Variants in NUAK1 observed in about 807,000 individuals in gnomAD.
The protein encoded by NUAK1 is NUAK family SNF1-like kinase 1.
Under a neutral mutation model 56.9 loss-of-function variants are expected in NUAK1, and 26 were observed. That is an observed-to-expected ratio of 0.46 (90% confidence interval 0.33 to 0.63). NUAK1 has a LOEUF of 0.63. Among genes scored for constraint, NUAK1 ranks in the 30% least tolerant of loss-of-function variants. NUAK1 has a pLI of 0.02. For synonymous variants in NUAK1, 337 were observed against 336.0 expected, an observed-to-expected ratio of 1.00 and a Z score of -0.03; for missense variants, 727 against 876.1, an observed-to-expected ratio of 0.83 and a Z score of 2.15.
chr12:106,118,126 C>G (rs1047811067), intron 1 of NUAK1, among the ~76,000 whole-genome samples: 3 of 152,166 alleles, frequency 2.0e-5, no homozygotes, highest in Non-Finnish European at 4.4e-5. Flanking sequence ...TGGCTAAGAC[C>G]ACAAATCCAT....
intron 6 of NUAK1, among the ~76,000 whole-genome samples, chr12:106,069,102 C>T (rs2032377275): frequency 2.0e-5 from 3 of 152,162 alleles, no homozygotes; most frequent in Admixed American, 6.5e-5. Flanking sequence ...TCTATATATA[C>T]ACATACAACC....
chr12:106,096,475 C>G (rs567481011), intron 2 of NUAK1, among the ~76,000 whole-genome samples: 23 of 152,276 alleles, frequency 1.5e-4, no homozygotes, highest in Admixed American at 1.4e-3. Context: ...TGCTGTGTTA[C>G]GAATAAGGGC....
chr12:106,104,473 G>A (rs1199413192), intron 2 of NUAK1, among the ~76,000 whole-genome samples: 1 of 152,182 alleles, frequency 6.6e-6, no homozygotes, highest in East Asian at 1.9e-4. Context: ...TTAACACGAA[G>A]TAGACACTCC....
At chr12:106,127,451 C>A (rs2033034716) in intron 1 of NUAK1, among the ~76,000 whole-genome samples, 1 of 152,186 alleles carries the variant, frequency 6.6e-6, no homozygotes, top group Non-Finnish European at 1.5e-5. Context: ...CAGAAGCAAC[C>A]ACACCCAGCA....
chr12:106,123,108 T>C (rs2032994193), intron 1 of NUAK1, among the ~76,000 whole-genome samples: 1 of 152,264 alleles, frequency 6.6e-6, no homozygotes, highest in Admixed American at 6.5e-5. Context: ...ATTTCATTCA[T>C]TCTGAAAATC....
chr12:106,066,604 C>T lies in NUAK1; in HGVS notation c.*198G>A. 1.6e-6 allele frequency: 1 copy of T among 611,278 alleles called. No individual in the cohort carries two copies. Among genetic ancestry groups the T allele is most frequent in the Non-Finnish European group, 2.9e-6 (1 of 345,418 alleles). The allele number at this position is 611,278 out of a possible 1,614,324, so 37.9% of individuals were successfully genotyped here. On this transcript the variant is annotated 3_prime_UTR_variant, in exon 7 of 7. Coordinates refer to ENST00000261402, the MANE Select transcript of NUAK1 (RefSeq NM_014840.3). ...CAAACAGGGCCCAAATTCTGACTGACAATTGACAGAACTGGCAGAAGAGCC... is the reference window on the plus strand; with the variant it reads ...CAAACAGGGCCCAAATTCTGACTGATAATTGACAGAACTGGCAGAAGAGCC...
intron 1 of NUAK1, among the ~76,000 whole-genome samples, chr12:106,111,508 C>T (rs1371306560): frequency 6.6e-6 from 1 of 152,078 alleles, no homozygotes; most frequent in Non-Finnish European, 1.5e-5. Context: ...GCAACCATCT[C>T]CCTGCATGCT....
intron 4 of NUAK1, among the ~76,000 whole-genome samples, chr12:106,076,909 C>T (rs542496611): frequency 6.6e-6 from 1 of 152,250 alleles, no homozygotes; most frequent in South Asian, 2.1e-4. Context: ...AAGGTGAAAA[C>T]ATTCTAGAGA....
At position 106,096,458 on chromosome 12, in the gene NUAK1, T is replaced by C. The variant is rs1396296181; in HGVS notation, c.362-9573A>G. On this transcript the variant is annotated intron_variant, in intron 2 of 6. Transcript: ENST00000261402. ...TCACATGATTACACGTGAAGAGAACTCTCTGGTGCTGTGTTACGAATAAGG... is the reference window on the plus strand; with the variant it reads ...TCACATGATTACACGTGAAGAGAACCCTCTGGTGCTGTGTTACGAATAAGG... 2.0e-5 allele frequency among the ~76,000 whole-genome samples: 3 copies of C among 152,162 alleles called. No individual in the cohort carries two copies. In the East Asian group the frequency reaches 5.8e-4, roughly 29 times the overall value.
chr12:106,113,320 C>T (rs982084421), intron 1 of NUAK1, among the ~76,000 whole-genome samples: 1 of 152,128 alleles, frequency 6.6e-6, no homozygotes, highest in Admixed American at 6.5e-5. Flanking sequence ...CCGGAAAGTT[C>T]GTGCTGAGTG....
intron 1 of NUAK1, among the ~76,000 whole-genome samples, chr12:106,136,057 TC>T (rs1193836928): frequency 6.6e-6 from 1 of 152,188 alleles, no homozygotes; most frequent in Non-Finnish European, 1.5e-5. Context: ...AGGAGGACTT[TC>T]CTTCCCCAAA....
At chr12:106,090,131 C>T (rs2032620490) in intron 2 of NUAK1, among the ~76,000 whole-genome samples, 1 of 152,132 alleles carries the variant, frequency 6.6e-6, no homozygotes, top group African/African-American at 2.4e-5. Context: ...TTGGGAAACA[C>T]TGGATGAATG....
intron 1 of NUAK1, among the ~76,000 whole-genome samples, chr12:106,120,100 G>C (rs557632085): frequency 1.1e-4 from 17 of 152,214 alleles, no homozygotes; most frequent in Middle Eastern, 3.4e-3. Flanking sequence ...CTGAACACTA[G>C]GGGCTGTTGG....
chr12:106,136,204 G>T (rs1279781130), intron 1 of NUAK1, among the ~76,000 whole-genome samples: 1 of 152,090 alleles, frequency 6.6e-6, no homozygotes, highest in Non-Finnish European at 1.5e-5. Context: ...TCTGGGCGTG[G>T]GTCTGCTGCC....
At chr12:106,098,553 TC>T (rs1218182703) in intron 2 of NUAK1, among the ~76,000 whole-genome samples, 1 of 152,150 alleles carries the variant, frequency 6.6e-6, no homozygotes, top group Non-Finnish European at 1.5e-5. Flanking sequence ...GTTGGCCAGT[TC>T]CAGCACATCA....
intron 4 of NUAK1, among the ~76,000 whole-genome samples, chr12:106,080,721 T>C (rs1467022121): frequency 1.3e-5 from 2 of 152,198 alleles, no homozygotes; most frequent in African/African-American, 2.4e-5. Flanking sequence ...AGCATTTATA[T>C]AGGCTTCCTA....
intron 5 of NUAK1, 34 bp from the exon 6 acceptor site, chr12:106,070,940 G>A: frequency 6.2e-7 from 1 of 1,612,576 alleles, no homozygotes; most frequent in Non-Finnish European, 8.5e-7. Context: ...TAGGAGAGCT[G>A]GGAAACAGAT....
chr12:106,132,658 C>T (rs1303107544), intron 1 of NUAK1, among the ~76,000 whole-genome samples: 2 of 152,216 alleles, frequency 1.3e-5, no homozygotes, highest in Admixed American at 1.3e-4. Flanking sequence ...GAAGAGCTCC[C>T]TGACCTGATT....
At chr12:106,098,461 T>A (rs2032715655) in intron 2 of NUAK1, among the ~76,000 whole-genome samples, 1 of 152,194 alleles carries the variant, frequency 6.6e-6, no homozygotes, top group South Asian at 2.1e-4. Flanking sequence ...GAGATCACAG[T>A]TAACAAATGC....
Sources: gnomAD v4.1 joint callset for allele counts (sites outside exome capture counted in the v4.1 genomes callset) on GRCh38, gnomAD v4.1.1 for gene constraint, MANE v1.5 for transcripts, NCBI Gene and HGNC (gene_info 2026-07-23, HGNC 2026-07-21) for gene names.